The following RHAG variants were observed in gnomAD, a reference collection of about 807,000 sequenced individuals.
The protein encoded by RHAG is ammonium transporter Rh type A.
A neutral mutation model predicts 42.4 loss-of-function variants in RHAG; 25 were observed. The observed-to-expected ratio is 0.59, with a 90% CI of 0.43 to 0.82. The LOEUF (loss-of-function observed/expected upper bound fraction) is 0.82. RHAG is among the 40% of genes least tolerant of loss of function. RHAG has a pLI of 0.00. For missense variants in RHAG, 483 were observed against 504.6 expected (o/e 0.96, Z 0.41); for synonymous variants, 182 against 177.7 (o/e 1.02, Z -0.19).
rs1021362664 is a variant in RHAG at position 49,605,744 on chromosome 6, C to G, written c.*69G>C. 7.4e-7 allele frequency: 1 copy of G among 1,354,154 alleles called. No homozygotes were observed. Among genetic ancestry groups the G allele is most frequent in the South Asian group, 1.2e-5 (1 of 85,918 alleles). The allele number at this position is 1,354,154 out of a possible 1,614,324, so 83.9% of individuals were successfully genotyped here. Reference sequence around the variant, plus strand: ...GATAATGGGAAAGGAAGCTGGAGAGCAGGAATGGTGTTTAGACTTCAGGTT... The same window carrying G: ...GATAATGGGAAAGGAAGCTGGAGAGGAGGAATGGTGTTTAGACTTCAGGTT... On this transcript the variant is annotated 3_prime_UTR_variant, in exon 10 of 10. Coordinates refer to ENST00000371175, the MANE Select transcript of RHAG (RefSeq NM_000324.3).
chr6:49,618,230 C>T lies in RHAG; in HGVS notation c.342-12G>A. 1.2e-6 allele frequency: 2 copies of T among 1,613,998 alleles called. No individual in the cohort carries two copies. Among genetic ancestry groups the T allele is most frequent in the Non-Finnish European group, 1.7e-6 (2 of 1,179,966 alleles). On this transcript the variant is annotated splice_polypyrimidine_tract_variant and intron_variant, in intron 2 of 9. Transcript: ENST00000371175. ...CTGCATTTATCATGCTGAAGGGAAA[C>T]AAGAATAAATTGAAGAGTAATGCAC...
intron 5 of RHAG, among the ~76,000 whole-genome samples, chr6:49,614,229 G>A (rs917616586): frequency 6.9e-6 from 1 of 143,960 alleles, no homozygotes; most frequent in Non-Finnish European, 1.5e-5. Context: ...TTTCGCTCTT[G>A]TTGCCTAGTC....
intron 4 of RHAG, 86 bp downstream of exon 4, chr6:49,615,538 T>C (rs1581940782): frequency 6.8e-6 from 10 of 1,470,146 alleles, no homozygotes; most frequent in Non-Finnish European, 8.5e-6. Context: ...GATGTTCTTT[T>C]TGAGCATCTC....
chr6:49,632,141 T>G (rs1762945046), intron 1 of RHAG: 1 of 152,190 alleles, frequency 6.6e-6, no homozygotes, highest in Non-Finnish European at 1.5e-5. Context: ...ACATGTCTTT[T>G]TAATACGTAT....
At chr6:49,609,598 T>A (rs1299517655) in intron 7 of RHAG, among the ~76,000 whole-genome samples, 1 of 152,212 alleles carries the variant, frequency 6.6e-6, no homozygotes, top group Admixed American at 6.5e-5. Context: ...TCTGGAGCTG[T>A]CTTCTAAATT....
At chr6:49,619,008 T>G (rs1762705019) in intron 2 of RHAG, among the ~76,000 whole-genome samples, 171 bp downstream of exon 2, 1 of 152,120 alleles carries the variant, frequency 6.6e-6, no homozygotes, top group Non-Finnish European at 1.5e-5. Context: ...GTCAGGAGTC[T>G]CCTGTGGACC....
rs2127349337 is a variant in RHAG at position 49,607,194 on chromosome 6, A to C, written c.1094T>G (p.Leu365Arg). The change falls in exon 8 of 10, where the codon CTG becomes CGG. Residue 365 changes from leucine (L) to arginine (R), a missense_variant. Physicochemically the swap from Leu to Arg is moderately radical, Grantham distance 102 (BLOSUM62 -2). Transcript: ENST00000371175. The stretch of plus-strand genomic sequence containing the variant: ...AACTGCTGTTCCGATAGAGGAACCC[A>C]GTGCAGCTGCCTGCATGGCCATAGA... ...NTSMAMQAAA[L>R]GSSIGTAVVG... The C allele has an allele frequency of 6.2e-7, 1 of 1,613,764 alleles. No individual in the cohort carries two copies. The highest frequency in any genetic ancestry group is 8.5e-7 in the Non-Finnish European group (1 of 1,179,830).
At chr6:49,631,584 GGCCCT>G (rs1762937478) in intron 1 of RHAG, among the ~76,000 whole-genome samples, 1 of 152,096 alleles carries the variant, frequency 6.6e-6, no homozygotes, top group Admixed American at 6.6e-5. Context: ...CTTTTCACAT[GGCCCT>G]GTTAGTCTTT....
At chr6:49,628,172 A>ACT (rs1562019225) in intron 1 of RHAG, among the ~76,000 whole-genome samples, 1 of 151,770 alleles carries the variant, frequency 6.6e-6, no homozygotes, top group Non-Finnish European at 1.5e-5. Context: ...AGAGAGAGAG[A>ACT]GAGAGACAGG....
chr6:49,620,486 C>G (rs969989933), intron 1 of RHAG, among the ~76,000 whole-genome samples: 2 of 152,050 alleles, frequency 1.3e-5, no homozygotes, highest in African/African-American at 2.4e-5. Context: ...ATAACAGCAT[C>G]CACTACAGTG....
In RHAG at chr6:49,615,871, A is replaced by T. The variant is rs141286290; in HGVS notation, c.493-100T>A. 6.5e-4 allele frequency: 778 copies of T among 1,198,226 alleles called. 4 individuals carry two copies. The African/African-American group carries it at 0.01, about 16-fold the overall frequency. 74.2% of individuals were successfully genotyped at this position (1,198,226 alleles called of 1,614,324 possible). On this transcript the variant is annotated intron_variant, in intron 3 of 9. Transcript: ENST00000371175. ...AATTGCATTGTTGGTTAAACAACTT[A>T]AAAAAATTAAAGAGGGACAGAAAGA...
intron 1 of RHAG, among the ~76,000 whole-genome samples, chr6:49,626,283 C>T (rs1419537937): frequency 2.0e-5 from 3 of 152,200 alleles, no homozygotes; most frequent in Non-Finnish European, 2.9e-5. Flanking sequence ...TTAGTTACTT[C>T]CTAGACACAG....
chr6:49,622,399 A>G (rs922468507), intron 1 of RHAG, among the ~76,000 whole-genome samples: 1 of 151,988 alleles, frequency 6.6e-6, no homozygotes, highest in Non-Finnish European at 1.5e-5. Flanking sequence ...TTTAGTGGGG[A>G]CAGGGTTTCA....
intron 1 of RHAG, chr6:49,631,895 C>G (rs964106190): frequency 6.6e-6 from 1 of 152,188 alleles, no homozygotes; most frequent in Non-Finnish European, 1.5e-5. Flanking sequence ...ATTGTTTACA[C>G]AGTAGAAATC....
At chr6:49,624,869 T>G (rs996800742) in intron 1 of RHAG, among the ~76,000 whole-genome samples, 3 of 152,236 alleles carry the variant, frequency 2.0e-5, no homozygotes, top group Non-Finnish European at 4.4e-5. Context: ...CGTTTTCAAA[T>G]AGCCAAACCT....
intron 1 of RHAG, chr6:49,631,910 A>G (rs1440136194): frequency 5.9e-5 from 9 of 152,176 alleles, no homozygotes; most frequent in Admixed American, 5.9e-4. Context: ...GAAATCAGCT[A>G]CCTTTGTTTG....
At position 49,607,146 on chromosome 6, in the gene RHAG, T is replaced by C; in HGVS notation, c.1138+4A>G. ...ACAGGGAAGTGTTCACTTTTTATGCTGACCTGTCATCAGACCTCCAACAAC... is the reference window on the plus strand; with the variant it reads ...ACAGGGAAGTGTTCACTTTTTATGCCGACCTGTCATCAGACCTCCAACAAC... On this transcript the variant is annotated splice_donor_region_variant and intron_variant, in intron 8 of 9. Coordinates refer to ENST00000371175, the MANE Select transcript of RHAG (RefSeq NM_000324.3). 6.2e-7 allele frequency: 1 copy of C among 1,611,718 alleles called. No homozygotes were observed. The highest frequency in any genetic ancestry group is 1.1e-5 in the South Asian group (1 of 90,970).
chr6:49,632,317 T>A (rs914085844), intron 1 of RHAG, among the ~76,000 whole-genome samples: 3 of 152,202 alleles, frequency 2.0e-5, no homozygotes, highest in Non-Finnish European at 4.4e-5. Flanking sequence ...CATTGTTGCT[T>A]CTCAGACTTG....
At chr6:49,606,948 A>T in intron 8 of RHAG, 27 bp from the exon 9 acceptor site, 1 of 1,536,584 alleles carries the variant, frequency 6.5e-7, no homozygotes, top group Non-Finnish European at 9.0e-7. Flanking sequence ...AAAATGAGTC[A>T]TGTTGTGACG....
Sources: gnomAD v4.1 joint callset for allele counts (sites outside exome capture counted in the v4.1 genomes callset) on GRCh38, gnomAD v4.1.1 for gene constraint, MANE v1.5 for transcripts, NCBI Gene and HGNC (gene_info 2026-07-23, HGNC 2026-07-21) for gene names.